SORBS2: variants seen among roughly 807,000 people sequenced by gnomAD.
SORBS2 encodes sorbin and SH3 domain containing 2.
In SORBS2, 46 loss-of-function variants were observed where a neutral mutation model predicts 97.7. The observed-to-expected ratio is 0.47, with a 90% CI of 0.37 to 0.60. The LOEUF (loss-of-function observed/expected upper bound fraction) is 0.60, where lower values mean the gene tolerates loss of function less well. Ranked by LOEUF, SORBS2 falls within the 20% of genes least tolerant of loss-of-function variation. SORBS2 has a pLI of 0.00. For synonymous variants in SORBS2, 476 were observed against 473.4 expected, an observed-to-expected ratio of 1.01 and a Z score of -0.07; for missense variants, 1,316 against 1,282.3, an observed-to-expected ratio of 1.03 and a Z score of -0.40.
intron 12 of SORBS2, among the ~76,000 whole-genome samples, chr4:185,610,609 T>TAG (rs1308712979): frequency 1.3e-5 from 2 of 152,182 alleles, no homozygotes; most frequent in African/African-American, 2.4e-5. Flanking sequence ...GGCAGATTCT[T>TAG]AGATCATTTC....
At chr4:185,638,529 C>T (rs2097065235) in intron 4 of SORBS2, among the ~76,000 whole-genome samples, 1 of 152,158 alleles carries the variant, frequency 6.6e-6, no homozygotes, top group Non-Finnish European at 1.5e-5. Flanking sequence ...AGGCTCAACC[C>T]AGTCACCAAA....
intron 2 of SORBS2, among the ~76,000 whole-genome samples, chr4:185,717,507 T>C (rs1196302136): frequency 6.6e-6 from 1 of 152,190 alleles, no homozygotes; most frequent in South Asian, 2.1e-4. Context: ...CTTTCAGTAA[T>C]TTCTTAAGAC....
chr4:185,847,216 T>A (rs1183976648), intron 1 of SORBS2, among the ~76,000 whole-genome samples: 1 of 152,218 alleles, frequency 6.6e-6, no homozygotes, highest in Non-Finnish European at 1.5e-5. Context: ...ACTTTGTGTT[T>A]GAGCCTCAAT....
chr4:185,628,273 C>T (rs148451650), intron 5 of SORBS2, among the ~76,000 whole-genome samples: 63 of 150,456 alleles, frequency 4.2e-4, no homozygotes, highest in Non-Finnish European at 7.7e-4. Flanking sequence ...CTCTATAAAG[C>T]GGAGTTCTAA....
chr4:185,873,561 C>T (rs1277295863), intron 1 of SORBS2, among the ~76,000 whole-genome samples: 2 of 152,120 alleles, frequency 1.3e-5, no homozygotes, highest in Admixed American at 6.5e-5. Flanking sequence ...TAGGGAAATG[C>T]ATATCTATTT....
chr4:185,725,275 G>A (rs1050313500), intron 2 of SORBS2, among the ~76,000 whole-genome samples: 1 of 152,174 alleles, frequency 6.6e-6, no homozygotes, highest in Admixed American at 6.5e-5. Flanking sequence ...AAAGCGCCAG[G>A]CTGCAGAGGT....
intron 1 of SORBS2, among the ~76,000 whole-genome samples, chr4:185,875,046 T>A (rs2099232705): frequency 2.0e-5 from 3 of 152,134 alleles, no homozygotes; most frequent in Admixed American, 2.0e-4. Context: ...ATTTGGAAAT[T>A]CCCTGGAAGT....
intron 1 of SORBS2, among the ~76,000 whole-genome samples, chr4:185,785,682 A>G (rs534896893): frequency 6.6e-6 from 1 of 152,320 alleles, no homozygotes; most frequent in South Asian, 2.1e-4. Context: ...TGAGGCTTAA[A>G]TGAGTTAACA....
intron 2 of SORBS2, among the ~76,000 whole-genome samples, chr4:185,725,292 T>G (rs1203678537): frequency 6.6e-6 from 1 of 152,212 alleles, no homozygotes; most frequent in Non-Finnish European, 1.5e-5. Flanking sequence ...AGGTTCTTGT[T>G]TGGAATTATT....
intron 1 of SORBS2, among the ~76,000 whole-genome samples, chr4:185,842,300 T>G (rs1333162738): frequency 6.6e-6 from 1 of 152,160 alleles, no homozygotes; most frequent in Non-Finnish European, 1.5e-5. Flanking sequence ...TGGTTTAAAG[T>G]GAGAACAAAC....
intron 2 of SORBS2, among the ~76,000 whole-genome samples, chr4:185,767,614 G>T (rs1162576659): frequency 6.6e-6 from 1 of 151,776 alleles, no homozygotes; most frequent in Non-Finnish European, 1.5e-5. Context: ...AATTATAGGT[G>T]CAATTATTTT....
intron 1 of SORBS2, among the ~76,000 whole-genome samples, chr4:185,911,189 T>C (rs1273541183): frequency 6.6e-6 from 1 of 152,158 alleles, no homozygotes; most frequent in Non-Finnish European, 1.5e-5. Context: ...TTATCTCATA[T>C]GTCTGATAAA....
chr4:185,877,659 G>A (rs184628873), intron 1 of SORBS2, among the ~76,000 whole-genome samples: 128 of 152,098 alleles, frequency 8.4e-4, no homozygotes, highest in Non-Finnish European at 1.8e-3. Context: ...CTGAGGTCAG[G>A]AGTTTGAGAC....
chr4:185,903,143 A>G (rs2099248627), intron 1 of SORBS2, among the ~76,000 whole-genome samples: 1 of 152,200 alleles, frequency 6.6e-6, no homozygotes, highest in Non-Finnish European at 1.5e-5. Flanking sequence ...ACTGAAAGAA[A>G]CACAACTAAA....
intron 1 of SORBS2, among the ~76,000 whole-genome samples, chr4:185,845,920 G>T (rs2099214272): frequency 6.6e-6 from 1 of 151,956 alleles, no homozygotes; most frequent in South Asian, 2.1e-4. Context: ...ATGCTGACAA[G>T]GATGTGGAGC....
chr4:185,621,175 G>T (rs1051348014), intron 7 of SORBS2, among the ~76,000 whole-genome samples: 2 of 152,094 alleles, frequency 1.3e-5, no homozygotes, highest in Admixed American at 6.5e-5. Flanking sequence ...ATCTATGAAA[G>T]AATTTAAAGT....
intron 4 of SORBS2, among the ~76,000 whole-genome samples, chr4:185,637,032 G>A (rs1419360428): frequency 1.3e-5 from 2 of 152,246 alleles, no homozygotes; most frequent in African/African-American, 4.8e-5. Flanking sequence ...GATTAGAGAA[G>A]CTGTGATGGC....
chr4:185,620,462 T>A (rs2096702569), intron 7 of SORBS2, among the ~76,000 whole-genome samples: 1 of 152,228 alleles, frequency 6.6e-6, no homozygotes. Flanking sequence ...ATTTTTCATA[T>A]AAATTTTTTC....
chr4:185,661,570 T>A (rs1258848340), upstream of SORBS2, among the ~76,000 whole-genome samples: 1 of 152,198 alleles, frequency 6.6e-6, no homozygotes, highest in Non-Finnish European at 1.5e-5. Context: ...GTTTCTCTTG[T>A]GTGGCTTCCT....
Sources: allele counts gnomAD v4.1 joint callset (sites outside exome capture counted in the v4.1 genomes callset), GRCh38; gene constraint gnomAD v4.1.1; transcripts MANE v1.5; gene names NCBI Gene and HGNC (gene_info 2026-07-23, HGNC 2026-07-21).